The following EPC2 variants were observed in gnomAD, a reference collection of about 807,000 sequenced individuals.
The protein encoded by EPC2 is enhancer of polycomb 2, also known as enhancer of polycomb homolog 2.
In EPC2, 14 loss-of-function variants were observed where a neutral mutation model predicts 92.1. That is an observed-to-expected ratio of 0.15 (90% CI 0.10 to 0.24). EPC2 has a LOEUF of 0.24. Ranked by LOEUF, EPC2 falls within the 10% of genes least tolerant of loss-of-function variation. EPC2 has a pLI of 1.00. For missense variants in EPC2, 755 were observed against 971.5 expected (o/e 0.78, Z 2.96); for synonymous variants, 340 against 334.7 (o/e 1.02, Z -0.17).
intron 10 of EPC2, among the ~76,000 whole-genome samples, chr2:148,773,329 GACA>G (rs1198177601): frequency 6.6e-6 from 1 of 152,036 alleles, no homozygotes; most frequent in Non-Finnish European, 1.5e-5. Flanking sequence ...TAACATCATA[GACA>G]ACAAGTTTTT....
chr2:148,687,197 A>G lies in EPC2; in HGVS notation c.154-3017A>G, dbSNP rs115894119. 7.0e-3 allele frequency among the ~76,000 whole-genome samples: 1,060 copies of G among 152,240 alleles called. 7 individuals are homozygous for G. Among genetic ancestry groups the G allele is most frequent in the African/African-American group, 0.023 (971 of 41,540 alleles). ...TTTTTGCCTTCAACCTCATGAGCCA[A>G]TCTCTGCCATCTTCTAACTTTTTTC... On this transcript the variant is annotated intron_variant, in intron 1 of 13. Coordinates refer to ENST00000258484, the MANE Select transcript of EPC2 (RefSeq NM_015630.4).
At chr2:148,683,731 A>T (rs1394756720) in intron 1 of EPC2, among the ~76,000 whole-genome samples, 1 of 152,174 alleles carries the variant, frequency 6.6e-6, no homozygotes, top group East Asian at 1.9e-4. Flanking sequence ...TTTATGCCTG[A>T]GTAGTATTCC....
intron 1 of EPC2, among the ~76,000 whole-genome samples, chr2:148,666,581 T>G (rs1372793126): frequency 5.3e-5 from 8 of 152,256 alleles, no homozygotes. Flanking sequence ...CAGATAAAAT[T>G]ACTCTGTCTG....
intron 1 of EPC2, among the ~76,000 whole-genome samples, chr2:148,655,221 C>T (rs1051854100): frequency 6.6e-6 from 1 of 152,172 alleles, no homozygotes; most frequent in Non-Finnish European, 1.5e-5. Context: ...GTTGGAATAA[C>T]CCCAAAATGC....
intron 1 of EPC2, among the ~76,000 whole-genome samples, chr2:148,688,717 A>G (rs1437159139): frequency 6.6e-6 from 1 of 152,186 alleles, no homozygotes; most frequent in Non-Finnish European, 1.5e-5. Flanking sequence ...ATAGCTTGAC[A>G]TATAGTAGGA....
chr2:148,717,786 G>C (rs1682288263), intron 2 of EPC2, among the ~76,000 whole-genome samples: 1 of 152,134 alleles, frequency 6.6e-6, no homozygotes, highest in Non-Finnish European at 1.5e-5. Context: ...GCTGAGTTCA[G>C]ATCCTGAATA....
chr2:148,716,561 T>C (rs1682265315), intron 2 of EPC2, among the ~76,000 whole-genome samples: 1 of 152,230 alleles, frequency 6.6e-6, no homozygotes, highest in Non-Finnish European at 1.5e-5. Context: ...AATTTGCATA[T>C]GTTTAACCAG....
chr2:148,665,792 GTTC>G (rs1470067008), intron 1 of EPC2, among the ~76,000 whole-genome samples: 2 of 152,026 alleles, frequency 1.3e-5, no homozygotes, highest in Non-Finnish European at 2.9e-5. Flanking sequence ...GAATGATTCA[GTTC>G]TTATTAATTT....
rs1324247759 is a variant in EPC2 at position 148,787,134 on chromosome 2, G to GA, written c.*761dup. On this transcript the variant is annotated 3_prime_UTR_variant, in exon 14 of 14. Coordinates refer to ENST00000258484, the MANE Select transcript of EPC2 (RefSeq NM_015630.4). The stretch of plus-strand genomic sequence containing the variant: ...TAGCACATTTAAACTGTGCAAATAT[G>GA]AAAATTTTTCGAGGATTACATTTTA... 1 of 152,568 alleles carries GA rather than the reference G, an allele frequency of 6.6e-6. No homozygotes were observed. Among genetic ancestry groups the GA allele is most frequent in the East Asian group, 1.9e-4 (1 of 5,198 alleles). The allele number at this position is 152,568 out of a possible 1,614,324, so 9.5% of individuals were successfully genotyped here. A position where few individuals can be genotyped will look rare whatever the true frequency, so the allele number is the denominator to read the frequency against.
At chr2:148,778,305 C>T (rs1683685005) in intron 10 of EPC2, among the ~76,000 whole-genome samples, 2 of 152,062 alleles carry the variant, frequency 1.3e-5, no homozygotes, top group South Asian at 4.2e-4. Context: ...TCCCACTTGC[C>T]CATGGTGCCA....
chr2:148,665,859 T>C (rs1298281226), intron 1 of EPC2, among the ~76,000 whole-genome samples: 2 of 152,198 alleles, frequency 1.3e-5, no homozygotes, highest in African/African-American at 4.8e-5. Flanking sequence ...AATATAAAAT[T>C]CTAAAAGGAA....
chr2:148,727,561 T>C (rs1006629452), intron 2 of EPC2, among the ~76,000 whole-genome samples: 2 of 152,242 alleles, frequency 1.3e-5, no homozygotes, highest in Non-Finnish European at 2.9e-5. Context: ...TAGATGTTCT[T>C]AGTGGAATTT....
Position 148,776,027 on chromosome 2 carries a change from C to T in EPC2, c.1720+4640C>T, listed in dbSNP as rs368029402. On this transcript the variant is annotated intron_variant, in intron 10 of 13. Coordinates refer to ENST00000258484, the MANE Select transcript of EPC2 (RefSeq NM_015630.4). ...CGATCTCCTGACCTCGTGATCCGCC[C>T]GCCTTGGCCTCCCAAAGTGCTGGGA... Among the ~76,000 whole-genome samples the T allele has an allele frequency of 1.3e-4, 19 of 151,920 alleles. 1 individual carries two copies. The highest frequency in any genetic ancestry group is 5.2e-4 in the Admixed American group (8 of 15,266).
chr2:148,733,910 A>G (rs144172042), intron 2 of EPC2, among the ~76,000 whole-genome samples: 65 of 152,352 alleles, frequency 4.3e-4, no homozygotes, highest in Admixed American at 1.9e-3. Context: ...CTCACAGACC[A>G]TAGTTTGCCA....
intron 10 of EPC2, among the ~76,000 whole-genome samples, chr2:148,774,213 AAAATT>A (rs1683578950): frequency 6.6e-6 from 1 of 152,196 alleles, no homozygotes; most frequent in Non-Finnish European, 1.5e-5. Flanking sequence ...TTCTTAAACA[AAAATT>A]AAAAAGAGGG....
At chr2:148,768,335 T>A (rs541334578) in intron 7 of EPC2, among the ~76,000 whole-genome samples, 2 of 152,314 alleles carry the variant, frequency 1.3e-5, no homozygotes, top group African/African-American at 4.8e-5. Flanking sequence ...TTCAGTGTAT[T>A]TGTATATTAT....
chr2:148,762,753 C>G lies in EPC2; in HGVS notation c.899C>G (p.Ala300Gly). 1 of 1,610,194 alleles carries G rather than the reference C, an allele frequency of 6.2e-7. No individual in the cohort carries two copies. The highest frequency in any genetic ancestry group is 8.5e-7 in the Non-Finnish European group (1 of 1,178,550). ...GAAAAAGAGTTATATGCCACTCCAGCAACTCTTCATAATGGAAATCATCAC... is the reference window on the plus strand; with the variant it reads ...GAAAAAGAGTTATATGCCACTCCAGGAACTCTTCATAATGGAAATCATCAC... ...RSEKELYATP[A>G]TLHNGNHHKV... The change falls in exon 6 of 14, where the codon GCA becomes GGA. Residue 300 changes from alanine (A) to glycine (G), a missense_variant. Physicochemically the swap from Ala to Gly is moderately conservative, Grantham distance 60. Around this residue, in one of 4 missense-constraint regions of EPC2, gnomAD observed 509 missense variants for 607.7 expected, o/e 0.84. Coordinates refer to ENST00000258484, the MANE Select transcript of EPC2 (RefSeq NM_015630.4).
rs372741400 is a variant in EPC2 at position 148,771,242 on chromosome 2, A to G, written c.1575A>G (p.Leu525=). 17 of 1,613,888 alleles carry G rather than the reference A, an allele frequency of 1.1e-5. No homozygotes were observed. Among genetic ancestry groups the G allele is most frequent in the African/African-American group, 5.3e-5 (4 of 74,944 alleles). The change falls in exon 10 of 14, where the codon CTA becomes CTG. Residue 525 remains leucine (L), a synonymous_variant. Coordinates refer to ENST00000258484, the MANE Select transcript of EPC2 (RefSeq NM_015630.4). ...EILSNIRSCR[L]QCFQPRLLNL... ...TAAGCAATATCAGATCATGTCGACTACAGTGTTTCCAGCCAAGGCTACTAA... is the reference window on the plus strand; with the variant it reads ...TAAGCAATATCAGATCATGTCGACTGCAGTGTTTCCAGCCAAGGCTACTAA...
chr2:148,704,708 C>T (rs1185651196), intron 2 of EPC2, among the ~76,000 whole-genome samples: 1 of 152,102 alleles, frequency 6.6e-6, no homozygotes, highest in African/African-American at 2.4e-5. Context: ...TCCCAACTTT[C>T]TTTGTAAGTG....
Sources: allele counts gnomAD v4.1 joint callset (sites outside exome capture counted in the v4.1 genomes callset), GRCh38; gene constraint gnomAD v4.1.1; regional missense constraint gnomAD v4.1.1; transcripts MANE v1.5; gene names NCBI Gene and HGNC (gene_info 2026-07-23, HGNC 2026-07-21).